The following NFIB variants were observed in gnomAD, a reference collection of about 807,000 sequenced individuals.
NFIB encodes nuclear factor I B.
In NFIB, 11 loss-of-function variants were observed where a neutral mutation model predicts 61.5. That is an observed-to-expected ratio of 0.18 (90% CI 0.11 to 0.30). The LOEUF (loss-of-function observed/expected upper bound fraction) is 0.30, where lower values mean the gene tolerates loss of function less well. NFIB is among the 10% of genes least tolerant of loss of function. The pLI, the probability that NFIB is intolerant of heterozygous loss-of-function variation, is 1.00. For synonymous variants in NFIB, 260 were observed against 216.5 expected, an observed-to-expected ratio of 1.20 and a Z score of -1.76; for missense variants, 471 against 608.9, an observed-to-expected ratio of 0.77 and a Z score of 2.38.
At chr9:14,444,198 A>C in the NFIB span, among the ~76,000 whole-genome samples, 2 of 152,232 alleles carry the variant, frequency 1.3e-5, no homozygotes, top group African/African-American at 4.8e-5. Flanking sequence ...CCAGGAACTC[A>C]CAAGAGAGGC....
chr9:14,224,623 G>C (rs2052130648), intron 2 of NFIB, among the ~76,000 whole-genome samples: 1 of 152,216 alleles, frequency 6.6e-6, no homozygotes, highest in South Asian at 2.1e-4. Flanking sequence ...CACTGTATTA[G>C]GTATTGTAAG....
chr9:14,531,027 C>A, the NFIB span, among the ~76,000 whole-genome samples: 1 of 152,170 alleles, frequency 6.6e-6, no homozygotes, highest in Non-Finnish European at 1.5e-5. Flanking sequence ...ATTCTTGTCA[C>A]GACTATTGCA....
chr9:14,427,215 T>C, the NFIB span, among the ~76,000 whole-genome samples: 1 of 152,222 alleles, frequency 6.6e-6, no homozygotes, highest in East Asian at 1.9e-4. Context: ...TAATACATTG[T>C]TCATTCTTAT....
At chr9:14,309,498 T>C (rs754385854) in intron 1 of NFIB, among the ~76,000 whole-genome samples, 5 of 152,160 alleles carry the variant, frequency 3.3e-5, no homozygotes, top group Non-Finnish European at 4.4e-5. Context: ...ATAGAGGAAA[T>C]CATTAAACCG....
At chr9:14,419,716 G>A in the NFIB span, among the ~76,000 whole-genome samples, 3 of 152,064 alleles carry the variant, frequency 2.0e-5, no homozygotes, top group African/African-American at 7.2e-5. Flanking sequence ...TTTTTCTGGA[G>A]GTATCCACAA....
chr9:14,207,715 G>A (rs957807009), intron 2 of NFIB, among the ~76,000 whole-genome samples: 1 of 152,198 alleles, frequency 6.6e-6, no homozygotes, highest in African/African-American at 2.4e-5. Flanking sequence ...GTAAATGAGA[G>A]TCTAATTTCT....
At chr9:14,263,944 C>G (rs2056993651) in intron 2 of NFIB, among the ~76,000 whole-genome samples, 2 of 152,162 alleles carry the variant, frequency 1.3e-5, no homozygotes, top group Non-Finnish European at 2.9e-5. Context: ...AAAAGCAACC[C>G]TGAAAAAGTT....
At chr9:14,247,208 T>C (rs1174290109) in intron 2 of NFIB, among the ~76,000 whole-genome samples, 2 of 152,222 alleles carry the variant, frequency 1.3e-5, no homozygotes, top group African/African-American at 2.4e-5. Flanking sequence ...ACTTATACCA[T>C]AGTCAAGAGA....
At chr9:14,248,219 C>T (rs532496699) in intron 2 of NFIB, among the ~76,000 whole-genome samples, 19 of 151,658 alleles carry the variant, frequency 1.3e-4, no homozygotes, top group African/African-American at 4.4e-4. Context: ...TTCTTTCCTC[C>T]CTTCCTTCCA....
chr9:14,493,343 A>G, the NFIB span, among the ~76,000 whole-genome samples: 1 of 152,180 alleles, frequency 6.6e-6, no homozygotes, highest in African/African-American at 2.4e-5. Context: ...AGGAATAAGC[A>G]CTGGTAATTG....
intron 2 of NFIB, 61 bp from the exon 3 acceptor site, chr9:14,179,841 C>A: frequency 6.5e-7 from 1 of 1,545,144 alleles, no homozygotes; most frequent in Non-Finnish European, 8.8e-7. Context: ...TTTCACAATC[C>A]TCAAAGGACT....
At chr9:14,291,099 A>G (rs2059063420) in intron 2 of NFIB, among the ~76,000 whole-genome samples, 1 of 152,100 alleles carries the variant, frequency 6.6e-6, no homozygotes, top group African/African-American at 2.4e-5. Flanking sequence ...TCAATGTGTT[A>G]ATCTTTGCCT....
At chr9:14,473,028 T>A in the NFIB span, among the ~76,000 whole-genome samples, 1 of 152,278 alleles carries the variant, frequency 6.6e-6, no homozygotes, top group East Asian at 1.9e-4. Context: ...AAAAGGGGAA[T>A]CCGATGTTCA....
chr9:14,183,392 T>C (rs1260591025), intron 2 of NFIB, among the ~76,000 whole-genome samples: 1 of 151,494 alleles, frequency 6.6e-6, no homozygotes, highest in Non-Finnish European at 1.5e-5. Context: ...GGGTCTGGTG[T>C]CTGGGAAAAA....
chr9:14,382,004 G>C (rs1347026091), intron 1 of NFIB, among the ~76,000 whole-genome samples: 1 of 152,172 alleles, frequency 6.6e-6, no homozygotes, highest in Non-Finnish European at 1.5e-5. Context: ...AAAAACCTGA[G>C]AATTTGTTTG....
At chr9:14,235,953 A>C (rs1367050191) in intron 2 of NFIB, among the ~76,000 whole-genome samples, 1 of 152,212 alleles carries the variant, frequency 6.6e-6, no homozygotes, top group East Asian at 1.9e-4. Flanking sequence ...TAAAGAATCA[A>C]TGCCTGATAT....
chr9:14,378,208 C>G (rs758015710), intron 1 of NFIB, among the ~76,000 whole-genome samples: 9 of 152,200 alleles, frequency 5.9e-5, no homozygotes, highest in Non-Finnish European at 1.2e-4. Flanking sequence ...GTATTATAAA[C>G]ATTTCATAAA....
At chr9:14,374,293 A>G (rs1036530200) in intron 1 of NFIB, among the ~76,000 whole-genome samples, 1 of 152,194 alleles carries the variant, frequency 6.6e-6, no homozygotes. Flanking sequence ...AGAAGTTTCA[A>G]AGGATATCTA....
the NFIB span, among the ~76,000 whole-genome samples, chr9:14,487,277 G>A: frequency 6.6e-6 from 1 of 152,168 alleles, no homozygotes; most frequent in African/African-American, 2.4e-5. Context: ...CATTTATATT[G>A]CTGCCTTTCA....
Sources: allele counts gnomAD v4.1 joint callset (sites outside exome capture counted in the v4.1 genomes callset), GRCh38; gene constraint gnomAD v4.1.1; transcripts MANE v1.5; gene names NCBI Gene and HGNC (gene_info 2026-07-23, HGNC 2026-07-21).